Variants in ANKRD22 observed in about 807,000 individuals in gnomAD.
ANKRD22 encodes the protein ankyrin repeat domain 22.
In ANKRD22, 24 loss-of-function variants were observed where a neutral mutation model predicts 25.7. The ratio of observed to expected loss-of-function variants is 0.93; its 90% CI spans 0.68 to 1.31. ANKRD22 has a LOEUF of 1.31. Ranked by LOEUF, ANKRD22 falls within the 50% of genes most tolerant of loss-of-function variation. The pLI is 0.00. For missense variants in ANKRD22, 214 were observed against 227.1 expected (o/e 0.94, Z 0.37); for synonymous variants, 84 against 84.3 (o/e 1.00, Z 0.02).
At chr10:88,846,296 A>G (rs1338181134) in intron 1 of ANKRD22, among the ~76,000 whole-genome samples, 1 of 152,140 alleles carries the variant, frequency 6.6e-6, no homozygotes, top group Non-Finnish European at 1.5e-5. Flanking sequence ...CATATACAAC[A>G]TCCTTTATGC....
At position 88,821,135 on chromosome 10, in the gene ANKRD22, T is replaced by C. The variant is rs930698783; in HGVS notation, c.*1806A>G. 6.6e-6 allele frequency among the ~76,000 whole-genome samples: 1 copy of C among 152,240 alleles called. No individual in the cohort carries two copies. Among genetic ancestry groups the C allele is most frequent in the African/African-American group, 2.4e-5 (1 of 41,460 alleles). ...GCATTACATAAAGCATGTATGTGCA[T>C]TTCAGTGTCTAGATTCTAGTCCAAG... On this transcript the variant is annotated 3_prime_UTR_variant, in exon 6 of 6. Coordinates refer to ENST00000371930, the MANE Select transcript of ANKRD22 (RefSeq NM_144590.3).
intron 1 of ANKRD22, among the ~76,000 whole-genome samples, chr10:88,838,820 A>C (rs555191498): frequency 2.0e-5 from 3 of 152,336 alleles, no homozygotes; most frequent in Admixed American, 6.5e-5. Flanking sequence ...AGCAGCCACC[A>C]TAAGAGAAGG....
intron 1 of ANKRD22, among the ~76,000 whole-genome samples, chr10:88,844,012 T>C (rs1278624610): frequency 6.6e-6 from 1 of 152,114 alleles, no homozygotes; most frequent in Non-Finnish European, 1.5e-5. Flanking sequence ...AAAATTATAA[T>C]ACTTCAGTAA....
rs371722682 is a variant in ANKRD22, at chr10:88,829,230, T to C, written c.214-564A>G. Among the ~76,000 whole-genome samples, 38 of 152,234 alleles carry C rather than the reference T, an allele frequency of 2.5e-4. No individual in the cohort carries two copies. In the East Asian group the frequency reaches 3.9e-3, roughly 15 times the overall value. ...GATGTGAACTCTTAGGGCCTCATAATCAAAGATGGACAGAAATATGCACAA... is the reference window on the plus strand; with the variant it reads ...GATGTGAACTCTTAGGGCCTCATAACCAAAGATGGACAGAAATATGCACAA... On this transcript the variant is annotated intron_variant, in intron 2 of 5. Transcript: ENST00000371930.
chr10:88,845,990 T>C (rs1198775640), intron 1 of ANKRD22, among the ~76,000 whole-genome samples: 1 of 152,174 alleles, frequency 6.6e-6, no homozygotes, highest in Non-Finnish European at 1.5e-5. Flanking sequence ...ATCACAATCA[T>C]CTTGATTCAG....
chr10:88,846,448 A>T (rs960683360), intron 1 of ANKRD22, among the ~76,000 whole-genome samples: 1 of 152,192 alleles, frequency 6.6e-6, no homozygotes, highest in African/African-American at 2.4e-5. Flanking sequence ...TGGAATAAGT[A>T]TTACTTTTGA....
chr10:88,847,517 C>T (rs1344710326), intron 1 of ANKRD22, among the ~76,000 whole-genome samples: 1 of 152,122 alleles, frequency 6.6e-6, no homozygotes, highest in Non-Finnish European at 1.5e-5. Flanking sequence ...CCTCAGCTTC[C>T]CAAAGTGCTG....
chr10:88,844,107 T>A (rs1844027260), intron 1 of ANKRD22, among the ~76,000 whole-genome samples: 1 of 152,156 alleles, frequency 6.6e-6, no homozygotes, highest in Admixed American at 6.6e-5. Flanking sequence ...ATCCATGATC[T>A]GTCTTAAGTG....
intron 3 of ANKRD22, 64 bp downstream of exon 3, chr10:88,828,495 A>C (rs1169641617): frequency 2.5e-6 from 3 of 1,206,410 alleles, no homozygotes; most frequent in African/African-American, 1.6e-5. Flanking sequence ...TGGCCTGGCA[A>C]GAGTCAATGA....
chr10:88,851,370 T>A (rs1413377808), intron 1 of ANKRD22, among the ~76,000 whole-genome samples: 2 of 152,206 alleles, frequency 1.3e-5, no homozygotes, highest in Non-Finnish European at 2.9e-5. Flanking sequence ...TCAACTTAGA[T>A]CTAGCTAATA....
At chr10:88,835,560 A>T (rs1240072248) in intron 1 of ANKRD22, among the ~76,000 whole-genome samples, 2 of 152,208 alleles carry the variant, frequency 1.3e-5, no homozygotes, top group East Asian at 3.8e-4. Flanking sequence ...GGCAGTTGTA[A>T]CACAATTGTA....
intron 1 of ANKRD22, among the ~76,000 whole-genome samples, chr10:88,840,253 T>C (rs1378467449): frequency 3.3e-5 from 5 of 152,192 alleles, no homozygotes; most frequent in African/African-American, 1.2e-4. Context: ...ATGGGTAGAA[T>C]ATGACGCATC....
Position 88,820,602 on chromosome 10 carries a change from A to G in ANKRD22, c.*2339T>C. On this transcript the variant is annotated 3_prime_UTR_variant, in exon 6 of 6. Coordinates refer to ENST00000371930, the MANE Select transcript of ANKRD22 (RefSeq NM_144590.3). ...AGCAGAGACCTAGTATACATTTTTC[A>G]GATTCCCTGCACTTGGCACTAAATC... is the stretch of plus-strand genomic sequence containing the variant. 1.7e-6 allele frequency: 2 copies of G among 1,197,310 alleles called. No homozygotes were observed. The highest frequency in any genetic ancestry group is 2.3e-6 in the Non-Finnish European group (2 of 881,210). 74.2% of individuals were successfully genotyped at this position (1,197,310 alleles called of 1,614,324 possible). A position where few individuals can be genotyped will look rare whatever the true frequency, so the allele number is the denominator to read the frequency against.
At chr10:88,850,005 GT>G (rs769187545) in intron 1 of ANKRD22, among the ~76,000 whole-genome samples, 390 of 139,040 alleles carry the variant, frequency 2.8e-3, no homozygotes, top group South Asian at 0.017. Context: ...ATTGGGGGAA[GT>G]TTTTTTTTTT....
chr10:88,830,573 C>T (rs1172861586), intron 2 of ANKRD22, among the ~76,000 whole-genome samples: 1 of 152,112 alleles, frequency 6.6e-6, no homozygotes, highest in Non-Finnish European at 1.5e-5. Context: ...ACATTAGAAA[C>T]ATTTGAAAGT....
intron 1 of ANKRD22, among the ~76,000 whole-genome samples, chr10:88,838,733 G>C (rs1215959906): frequency 6.6e-6 from 1 of 152,042 alleles, no homozygotes; most frequent in East Asian, 1.9e-4. Context: ...TGTAGAGAAA[G>C]GGCCATAAGC....
intron 1 of ANKRD22, 53 bp from the exon 2 acceptor site, chr10:88,832,079 C>T: frequency 6.7e-7 from 1 of 1,495,188 alleles, no homozygotes; most frequent in Non-Finnish European, 9.0e-7. Context: ...AATTAAACCA[C>T]AAAAACGAAA....
intron 1 of ANKRD22, among the ~76,000 whole-genome samples, chr10:88,845,131 A>T (rs1475081202): frequency 6.6e-6 from 1 of 152,146 alleles, no homozygotes; most frequent in African/African-American, 2.4e-5. Context: ...CACATACAAA[A>T]GTTGAAACTC....
intron 4 of ANKRD22, among the ~76,000 whole-genome samples, chr10:88,823,678 A>G (rs960232634): frequency 2.6e-5 from 4 of 151,614 alleles, no homozygotes; most frequent in African/African-American, 9.7e-5. Context: ...GATACAAAAA[A>G]TTAGCCGGGC....
Sources: gnomAD v4.1 joint callset for allele counts (sites outside exome capture counted in the v4.1 genomes callset) on GRCh38, gnomAD v4.1.1 for gene constraint, MANE v1.5 for transcripts, NCBI Gene and HGNC (gene_info 2026-07-23, HGNC 2026-07-21) for gene names.